Variants in PCDHGA4 observed in about 807,000 individuals in gnomAD.
PCDHGA4 encodes the protein protocadherin gamma-A4.
PCDHGA4 carries 38 observed loss-of-function variants against 54.6 expected under a neutral mutation model. The ratio of observed to expected loss-of-function variants is 0.70; its 90% CI spans 0.54 to 0.91. The LOEUF (loss-of-function observed/expected upper bound fraction) is 0.91, where lower values mean the gene tolerates loss of function less well. PCDHGA4 is among the 40% of genes least tolerant of loss of function. PCDHGA4 has a pLI of 0.00. For missense variants in PCDHGA4, 1,298 were observed against 1,220.9 expected, an observed-to-expected ratio of 1.06 and a Z score of -0.94; for synonymous variants, 511 against 512.9, an observed-to-expected ratio of 1.00 and a Z score of 0.05.
intron 1 of PCDHGA4, among the ~76,000 whole-genome samples, chr5:141,479,041 C>T (rs1346986831): frequency 1.2e-4 from 18 of 152,100 alleles, no homozygotes; most frequent in Admixed American, 1.2e-3. Flanking sequence ...AGATCGTGTA[C>T]CTCATTCTCA....
chr5:141,431,190 A>G lies in PCDHGA4; in HGVS notation c.2515-63617A>G, dbSNP rs1363655439. 1 of 1,614,228 alleles carries G rather than the reference A, an allele frequency of 6.2e-7. No homozygotes were observed. Among genetic ancestry groups the G allele is most frequent in the Non-Finnish European group, 8.5e-7 (1 of 1,180,038 alleles). ...AGTGAATTAGAAATAAAAATTAGTGAAAATGCAGCCACTGAGATGCGGTTC... is the reference window on the plus strand; with the variant it reads ...AGTGAATTAGAAATAAAAATTAGTGGAAATGCAGCCACTGAGATGCGGTTC... On this transcript the variant is annotated intron_variant, in intron 1 of 3. Transcript: ENST00000571252. This position sits in a 1 kb window ranked among gnomAD's most constrained non-coding sequence, Gnocchi z 4.8.
At chr5:141,370,485 G>T (rs905115445) in intron 1 of PCDHGA4, 1 of 1,613,916 alleles carries the variant, frequency 6.2e-7, no homozygotes, top group Admixed American at 1.7e-5. Context: ...GGCTCTCTCC[G>T]AACCGATCCG....
chr5:141,370,814 G>T, intron 1 of PCDHGA4: 1 of 1,614,024 alleles, frequency 6.2e-7, no homozygotes, highest in Non-Finnish European at 8.5e-7. Flanking sequence ...TCACTGAGCT[G>T]GAAATCAGCG....
chr5:141,427,361 A>ACC (rs781206288), intron 1 of PCDHGA4: 1 of 457,772 alleles, frequency 2.2e-6, no homozygotes, highest in South Asian at 1.5e-5. Context: ...AGGACGCAGA[A>ACC]CCCTGGACGG....
At chr5:141,413,066 A>T in intron 1 of PCDHGA4, 2 of 1,161,944 alleles carry the variant, frequency 1.7e-6, no homozygotes, top group Non-Finnish European at 2.4e-6. Flanking sequence ...TCCAGAATTT[A>T]AAGTGCCCAG....
At chr5:141,364,212 A>T in intron 1 of PCDHGA4, 1 of 1,252,416 alleles carries the variant, frequency 8.0e-7, no homozygotes, top group South Asian at 1.7e-5. Flanking sequence ...ACAAGCTCCT[A>T]CGAAAAGCCA....
At chr5:141,402,434 A>C (rs2150931474) in intron 1 of PCDHGA4, among the ~76,000 whole-genome samples, 1 of 152,272 alleles carries the variant, frequency 6.6e-6, no homozygotes, top group East Asian at 1.9e-4. Flanking sequence ...AAGCATCATA[A>C]AAAGGAAATT....
chr5:141,378,734 A>C (rs1388674316), intron 1 of PCDHGA4: 1 of 152,216 alleles, frequency 6.6e-6, no homozygotes, highest in Non-Finnish European at 1.5e-5. Flanking sequence ...CTTTATTGAA[A>C]TATTTCAAGA....
chr5:141,430,613 A>T, intron 1 of PCDHGA4: 1 of 679,628 alleles, frequency 1.5e-6, no homozygotes, highest in Admixed American at 3.0e-5. Context: ...CACAAAGCAG[A>T]TAGCTAGGAA....
At chr5:141,415,074 G>A (rs745950404) in intron 1 of PCDHGA4, 4 of 1,613,448 alleles carry the variant, frequency 2.5e-6, no homozygotes, top group East Asian at 2.2e-5. Flanking sequence ...TGCGCACGGC[G>A]CGAGCCCTGC....
intron 1 of PCDHGA4, among the ~76,000 whole-genome samples, chr5:141,448,842 G>A (rs943887884): frequency 6.6e-6 from 1 of 152,182 alleles, no homozygotes; most frequent in Non-Finnish European, 1.5e-5. Context: ...CTACTCTGGA[G>A]GCTGAGGCAG....
Position 141,486,595 on chromosome 5 carries a change from T to G in PCDHGA4, c.2515-8212T>G. ...AGAACAATCGCCCAGGGGACCTGCTTTGCTCCCTTGCAGCCTCTGACCCAG... is the reference window on the plus strand; with the variant it reads ...AGAACAATCGCCCAGGGGACCTGCTGTGCTCCCTTGCAGCCTCTGACCCAG... On this transcript the variant is annotated intron_variant, in intron 1 of 3. Coordinates refer to ENST00000571252, the MANE Select transcript of PCDHGA4 (RefSeq NM_018917.4). This position sits in a 1 kb window ranked among gnomAD's most constrained non-coding sequence, Gnocchi z 5.0. The G allele has an allele frequency of 6.2e-7, 1 of 1,613,614 alleles. No homozygotes were observed. Among genetic ancestry groups the G allele is most frequent in the Non-Finnish European group, 8.5e-7 (1 of 1,180,016 alleles).
chr5:141,409,256 C>G (rs1212394349), intron 1 of PCDHGA4: 2 of 1,613,918 alleles, frequency 1.2e-6, no homozygotes, highest in African/African-American at 2.7e-5. Context: ...CATCACTTCT[C>G]TCTCTGATCA....
intron 1 of PCDHGA4, chr5:141,389,757 C>A: frequency 6.2e-7 from 1 of 1,612,818 alleles, no homozygotes; most frequent in East Asian, 2.2e-5. Context: ...GGGCGAAGTG[C>A]GCACAGCGCG....
intron 1 of PCDHGA4, among the ~76,000 whole-genome samples, chr5:141,364,001 T>G (rs1014120803): frequency 1.3e-5 from 2 of 152,232 alleles, no homozygotes; most frequent in African/African-American, 4.8e-5. Flanking sequence ...TTAACGGTCA[T>G]AAACAACGCT....
chr5:141,400,037 G>A, intron 1 of PCDHGA4: 4 of 1,613,246 alleles, frequency 2.5e-6, no homozygotes, highest in African/African-American at 1.3e-5. Context: ...GCCCGCCAGC[G>A]CCTGCTGGTT....
At position 141,477,067 on chromosome 5, in the gene PCDHGA4, C is replaced by G. The variant is rs370882752; in HGVS notation, c.2515-17740C>G. 5.6e-5 allele frequency: 91 copies of G among 1,614,116 alleles called. No individual in the cohort carries two copies. Among genetic ancestry groups the G allele is most frequent in the Non-Finnish European group, 7.7e-5 (91 of 1,180,042 alleles). ...GGCTGGACTTCGAGGACACCAAACT[C>G]CATGAGATTTACATCCAGGCCAAAG... On this transcript the variant is annotated intron_variant, in intron 1 of 3. Transcript: ENST00000571252. This position sits in a 1 kb window ranked among gnomAD's most constrained non-coding sequence, Gnocchi z 4.9.
intron 1 of PCDHGA4, chr5:141,385,214 A>C: frequency 6.2e-7 from 1 of 1,614,200 alleles, no homozygotes; most frequent in Non-Finnish European, 8.5e-7. Flanking sequence ...ATCTTCCCCC[A>C]GCCCAACTAT....
intron 1 of PCDHGA4, chr5:141,393,121 T>C: frequency 6.2e-7 from 1 of 1,613,428 alleles, no homozygotes; most frequent in Non-Finnish European, 8.5e-7. Context: ...CCGCGGTGTC[T>C]GATAAATATT....
Sources: allele counts gnomAD v4.1 joint callset (sites outside exome capture counted in the v4.1 genomes callset), GRCh38; gene constraint gnomAD v4.1.1; non-coding constraint Gnocchi (gnomAD v3.1); transcripts MANE v1.5; gene names NCBI Gene and HGNC (gene_info 2026-07-23, HGNC 2026-07-21).